KCNH7: variants seen among roughly 807,000 people sequenced by gnomAD.
KCNH7 encodes potassium voltage-gated channel subfamily H member 7.
Under a neutral mutation model 120.8 loss-of-function variants are expected in KCNH7, and 49 were observed. The observed-to-expected ratio is 0.41, with a 90% confidence interval of 0.32 to 0.51. The LOEUF (loss-of-function observed/expected upper bound fraction) is 0.51, where lower values mean the gene tolerates loss of function less well. Among genes scored for constraint, KCNH7 ranks in the 20% least tolerant of loss-of-function variants. KCNH7 has a pLI of 0.38. For missense variants in KCNH7, 1,097 were observed against 1,446.6 expected, an observed-to-expected ratio of 0.76 and a Z score of 3.92; for synonymous variants, 547 against 516.1, an observed-to-expected ratio of 1.06 and a Z score of -0.81.
chr2:162,798,064 A>T (rs897893920), intron 2 of KCNH7: 1 of 152,124 alleles, frequency 6.6e-6, no homozygotes, highest in Non-Finnish European at 1.5e-5. Context: ...GCCATCCTTA[A>T]GTAAATATAC....
intron 2 of KCNH7, among the ~76,000 whole-genome samples, chr2:162,779,663 C>T (rs1459985359): frequency 6.6e-6 from 1 of 152,094 alleles, no homozygotes. Context: ...ATTTTTATCC[C>T]CCTTTTGGTA....
intron 2 of KCNH7, among the ~76,000 whole-genome samples, chr2:162,824,737 T>C (rs1573934558): frequency 6.6e-6 from 1 of 152,226 alleles, no homozygotes; most frequent in Middle Eastern, 3.4e-3. Context: ...ATAAGTGGCA[T>C]TTCATAAGTG....
At chr2:162,470,229 T>C (rs1237034816) in intron 6 of KCNH7, among the ~76,000 whole-genome samples, 1 of 151,266 alleles carries the variant, frequency 6.6e-6, no homozygotes, top group Non-Finnish European at 1.5e-5. Flanking sequence ...GAGGAGCCTC[T>C]CTGCCCGGCC....
In KCNH7 at chr2:162,717,585, C is replaced by T. The variant is rs146841764; in HGVS notation, c.307+118952G>A. 9.4e-3 allele frequency among the ~76,000 whole-genome samples: 1,436 copies of T among 152,208 alleles called. 10 individuals carry two copies. Among genetic ancestry groups the T allele is most frequent in the Non-Finnish European group, 0.015 (990 of 67,978 alleles). On this transcript the variant is annotated intron_variant, in intron 2 of 15. Transcript: ENST00000332142. ...CACTATCTGCACTTAGATTTATGCT[C>T]ATTTGTCAGCTTCTCAAAGAGGACT...
At chr2:162,513,727 TTTAA>T in intron 4 of KCNH7, among the ~76,000 whole-genome samples, 1 of 151,812 alleles carries the variant, frequency 6.6e-6, no homozygotes, top group Middle Eastern at 3.4e-3. Flanking sequence ...CAATATATAT[TTTAA>T]AAATAGCAAA....
At chr2:162,658,233 A>T (rs1466532124) in intron 2 of KCNH7, among the ~76,000 whole-genome samples, 1 of 151,744 alleles carries the variant, frequency 6.6e-6, no homozygotes, top group Non-Finnish European at 1.5e-5. Context: ...GTCTGGCATC[A>T]TTTGTCAAAA....
chr2:162,584,122 T>A (rs1306818209), intron 2 of KCNH7, among the ~76,000 whole-genome samples: 1 of 152,146 alleles, frequency 6.6e-6, no homozygotes, highest in Non-Finnish European at 1.5e-5. Context: ...TGCTCTTACT[T>A]AAATACATGC....
intron 2 of KCNH7, among the ~76,000 whole-genome samples, chr2:162,538,848 CTT>C (rs1692202976): frequency 6.6e-6 from 1 of 152,044 alleles, no homozygotes; most frequent in Non-Finnish European, 1.5e-5. Context: ...TTTAGAAAGA[CTT>C]TTTGTAAGTT....
chr2:162,492,659 C>A (rs1366069421), intron 6 of KCNH7, among the ~76,000 whole-genome samples: 1 of 152,062 alleles, frequency 6.6e-6, no homozygotes. Flanking sequence ...TAAGTCATAA[C>A]CTTAGTTGAG....
Position 162,623,019 on chromosome 2 carries a change from A to T in KCNH7, c.308-85939T>A, listed in dbSNP as rs1032457129. ...AAAAGGAAGTAAATTTTTATTTCAG[A>T]AACATTCCTACATTATTCATGGTTG... On this transcript the variant is annotated intron_variant, in intron 2 of 15. Transcript: ENST00000332142. Among the ~76,000 whole-genome samples, 39 of 152,296 alleles carry T rather than the reference A, an allele frequency of 2.6e-4. No individual in the cohort carries two copies. The Middle Eastern group carries it at 0.01, about 40-fold the overall frequency.
intron 2 of KCNH7, among the ~76,000 whole-genome samples, chr2:162,712,691 C>A (rs1157075789): frequency 6.6e-6 from 1 of 152,116 alleles, no homozygotes; most frequent in Admixed American, 6.6e-5. Context: ...TATATGAATA[C>A]TTTAATACTG....
At chr2:162,718,528 C>T (rs72623132) in intron 2 of KCNH7, among the ~76,000 whole-genome samples, 32,083 of 151,742 alleles carry the variant, frequency 0.21, 4,718 homozygotes, top group East Asian at 0.42. Flanking sequence ...AGAGCTTATA[C>T]ATTCTTCATC....
At chr2:162,431,737 C>A (rs1486190572) in intron 8 of KCNH7, among the ~76,000 whole-genome samples, 5 of 151,196 alleles carry the variant, frequency 3.3e-5, no homozygotes, top group African/African-American at 1.2e-4. Context: ...TTGAAAGATA[C>A]AATTCATCTG....
At chr2:162,767,301 C>T (rs1050692379) in intron 2 of KCNH7, among the ~76,000 whole-genome samples, 5 of 152,016 alleles carry the variant, frequency 3.3e-5, no homozygotes. Context: ...GCAGTATATA[C>T]ATTTGAAAAT....
chr2:162,572,824 A>C (rs1026141497), intron 2 of KCNH7, among the ~76,000 whole-genome samples: 2 of 150,566 alleles, frequency 1.3e-5, no homozygotes, highest in Non-Finnish European at 3.0e-5. Flanking sequence ...GCATATTCTC[A>C]CTCATAGGTG....
intron 8 of KCNH7, among the ~76,000 whole-genome samples, chr2:162,425,819 A>G (rs962555694): frequency 6.6e-6 from 1 of 152,206 alleles, no homozygotes; most frequent in African/African-American, 2.4e-5. Flanking sequence ...TCTACCATCA[A>G]AATTAACCAA....
intron 13 of KCNH7, among the ~76,000 whole-genome samples, chr2:162,383,144 A>G (rs1167828302): frequency 1.3e-5 from 2 of 151,960 alleles, no homozygotes; most frequent in Non-Finnish European, 2.9e-5. Flanking sequence ...TTATATATTT[A>G]ATAATTCGCC....
chr2:162,435,137 G>A, intron 8 of KCNH7, 61 bp downstream of exon 8: 1 of 1,423,520 alleles, frequency 7.0e-7, no homozygotes, highest in Non-Finnish European at 9.5e-7. Context: ...AAATATTGTA[G>A]AAATATTAAT....
At chr2:162,529,576 T>C (rs1691843778) in intron 3 of KCNH7, among the ~76,000 whole-genome samples, 1 of 151,980 alleles carries the variant, frequency 6.6e-6, no homozygotes, top group South Asian at 2.1e-4. Context: ...AAATAATTTA[T>C]TTAAAACAGT....
Sources: allele counts gnomAD v4.1 joint callset (sites outside exome capture counted in the v4.1 genomes callset), GRCh38; gene constraint gnomAD v4.1.1; transcripts MANE v1.5; gene names NCBI Gene and HGNC (gene_info 2026-07-23, HGNC 2026-07-21).